The following SLC24A3 variants were observed in gnomAD, a reference collection of about 807,000 sequenced individuals.
SLC24A3 encodes the protein solute carrier family 24 member 3.
Under a neutral mutation model 75.8 loss-of-function variants are expected in SLC24A3, and 28 were observed. The ratio of observed to expected loss-of-function variants is 0.37; its 90% CI spans 0.27 to 0.51. SLC24A3 has a LOEUF of 0.51. Among genes scored for constraint, SLC24A3 ranks in the 20% least tolerant of loss-of-function variants. The pLI, the probability that SLC24A3 is intolerant of heterozygous loss-of-function variation, is 0.94. For synonymous variants in SLC24A3, 372 were observed against 334.1 expected (o/e 1.11, Z -1.24); for missense variants, 663 against 847.8 (o/e 0.78, Z 2.71).
chr20:19,227,304 T>C (rs1314821775), intron 1 of SLC24A3, among the ~76,000 whole-genome samples: 1 of 152,208 alleles, frequency 6.6e-6, no homozygotes, highest in Admixed American at 6.5e-5. Flanking sequence ...CATTTTCTTC[T>C]AATGAGTTAA....
intron 3 of SLC24A3, among the ~76,000 whole-genome samples, chr20:19,562,663 C>T (rs937769508): frequency 4.6e-5 from 7 of 152,228 alleles, no homozygotes; most frequent in Non-Finnish European, 7.4e-5. Context: ...GCAATAAAAC[C>T]GAAGGTCAGA....
chr20:19,696,571 G>A (rs2032808549), intron 13 of SLC24A3: 1 of 439,272 alleles, frequency 2.3e-6, no homozygotes, highest in Non-Finnish European at 4.1e-6. Flanking sequence ...AAAGGCCAAT[G>A]TTTTGTTGGA....
chr20:19,524,107 A>G (rs937639509), intron 3 of SLC24A3, among the ~76,000 whole-genome samples: 1 of 152,166 alleles, frequency 6.6e-6, no homozygotes, highest in African/African-American at 2.4e-5. Context: ...CAAAGGAATA[A>G]GCCCTCGCTG....
intron 2 of SLC24A3, among the ~76,000 whole-genome samples, chr20:19,486,073 A>G (rs1164091564): frequency 6.6e-6 from 1 of 152,048 alleles, no homozygotes; most frequent in African/African-American, 2.4e-5. Context: ...AGGGAATTTC[A>G]GCTCCATCTC....
chr20:19,231,067 A>G (rs541618484), intron 1 of SLC24A3, among the ~76,000 whole-genome samples: 200 of 152,332 alleles, frequency 1.3e-3, no homozygotes, highest in African/African-American at 4.7e-3. Context: ...CTGCAGAACC[A>G]TGGATTAGGT....
intron 2 of SLC24A3, among the ~76,000 whole-genome samples, chr20:19,360,828 A>ATT (rs5840838): frequency 6.9e-6 from 1 of 144,904 alleles, no homozygotes. Context: ...GCATGCAGAA[A>ATT]TTTTTTTTTT....
In SLC24A3 at chr20:19,607,754, C is replaced by T. The variant is rs573537903; in HGVS notation, c.612+22210C>T. Among the ~76,000 whole-genome samples the T allele has an allele frequency of 7.1e-4, 108 of 152,378 alleles. 1 individual carries two copies. The highest frequency in any genetic ancestry group is 2.5e-3 in the African/African-American group (103 of 41,598). ...GTCAACTGGACTGCCAAAGTCCCCT[C>T]ACCCCTGTCTCTCTGTTCTTTATCC... On this transcript the variant is annotated intron_variant, in intron 6 of 16. Transcript: ENST00000328041.
intron 7 of SLC24A3, among the ~76,000 whole-genome samples, chr20:19,659,541 C>G (rs1027483525): frequency 2.0e-5 from 3 of 152,218 alleles, no homozygotes; most frequent in African/African-American, 7.2e-5. Context: ...TGGACTTGAT[C>G]CTCAGCAGGG....
In SLC24A3 at chr20:19,257,340, A is replaced by G. The variant is rs368854211; in HGVS notation, c.143-23619A>G. Among the ~76,000 whole-genome samples, 308 of 152,304 alleles carry G rather than the reference A, an allele frequency of 2.0e-3. 9 individuals carry two copies. The South Asian group carries it at 0.058, about 29-fold the overall frequency. ...GGTTTCCTTAATCGATCCTCCTCTC[A>G]GACGGTTGACTCCGCTGAGACTGGC... On this transcript the variant is annotated intron_variant, in intron 1 of 16. Transcript: ENST00000328041.
At chr20:19,545,047 T>G (rs750947677) in intron 3 of SLC24A3, among the ~76,000 whole-genome samples, 1 of 152,224 alleles carries the variant, frequency 6.6e-6, no homozygotes, top group Non-Finnish European at 1.5e-5. Context: ...AAAGATTTAG[T>G]AGAAGATAGA....
At chr20:19,377,587 A>T (rs1986106694) in intron 2 of SLC24A3, among the ~76,000 whole-genome samples, 1 of 152,190 alleles carries the variant, frequency 6.6e-6, no homozygotes, top group Admixed American at 6.5e-5. Context: ...GGGCACATGA[A>T]TGTAAACATT....
At chr20:19,669,446 G>A (rs995801682) in intron 8 of SLC24A3, among the ~76,000 whole-genome samples, 6 of 151,602 alleles carry the variant, frequency 4.0e-5, no homozygotes, top group African/African-American at 1.5e-4. Context: ...AGGTTGCTGT[G>A]AGCCAAGATT....
At chr20:19,285,913 G>A in intron 2 of SLC24A3, among the ~76,000 whole-genome samples, 1 of 152,174 alleles carries the variant, frequency 6.6e-6, no homozygotes, top group East Asian at 1.9e-4. Context: ...ACTTTGCAGT[G>A]TGTCTCCAGA....
intron 2 of SLC24A3, among the ~76,000 whole-genome samples, chr20:19,372,537 A>G (rs76160924): frequency 0.01 from 1,559 of 152,334 alleles, 20 homozygotes; most frequent in African/African-American, 0.034. Context: ...ATCTGGGAGC[A>G]GGCTCAGTGT....
At chr20:19,555,578 G>C (rs913631740) in intron 3 of SLC24A3, among the ~76,000 whole-genome samples, 1 of 152,196 alleles carries the variant, frequency 6.6e-6, no homozygotes, top group Non-Finnish European at 1.5e-5. Context: ...TGCTTCTGCT[G>C]TAATGGCACC....
intron 2 of SLC24A3, among the ~76,000 whole-genome samples, chr20:19,376,536 A>G (rs1390840525): frequency 6.6e-6 from 1 of 152,090 alleles, no homozygotes; most frequent in Non-Finnish European, 1.5e-5. Flanking sequence ...ACAGATTCCA[A>G]TTCATTATTT....
chr20:19,277,809 C>T (rs1983530522), intron 1 of SLC24A3, among the ~76,000 whole-genome samples: 1 of 152,184 alleles, frequency 6.6e-6, no homozygotes, highest in Admixed American at 6.5e-5. Context: ...CTCAGAATTA[C>T]GGAACCATGG....
intron 6 of SLC24A3, among the ~76,000 whole-genome samples, chr20:19,633,678 A>G (rs983128605): frequency 2.6e-4 from 37 of 144,862 alleles, no homozygotes; most frequent in African/African-American, 9.3e-4. Context: ...AAAGAATGCC[A>G]GTAGTATTGG....
chr20:19,493,686 A>T (rs1288755411), intron 2 of SLC24A3, among the ~76,000 whole-genome samples: 2 of 152,044 alleles, frequency 1.3e-5, no homozygotes, highest in East Asian at 1.9e-4. Context: ...ATAAAATGGG[A>T]TCACTGGAGC....
Sources: gnomAD v4.1 joint callset for allele counts (sites outside exome capture counted in the v4.1 genomes callset) on GRCh38, gnomAD v4.1.1 for gene constraint, MANE v1.5 for transcripts, NCBI Gene and HGNC (gene_info 2026-07-23, HGNC 2026-07-21) for gene names.